Variants in FNIP1 observed in about 807,000 individuals in gnomAD.
FNIP1 encodes the protein folliculin-interacting protein 1.
FNIP1 carries 40 observed loss-of-function variants against 124.5 expected under a neutral mutation model. The observed-to-expected ratio is 0.32, with a 90% CI of 0.25 to 0.42. FNIP1 has a LOEUF of 0.42. Ranked by LOEUF, FNIP1 falls within the 10% of genes least tolerant of loss-of-function variation. The pLI is 1.00. For synonymous variants in FNIP1, 472 were observed against 470.6 expected (o/e 1.00, Z -0.04); for missense variants, 1,176 against 1,403.7 (o/e 0.84, Z 2.59).
At chr5:131,651,675 G>A (rs1013978989) in intron 16 of FNIP1, 127 bp downstream of exon 16, 2 of 806,290 alleles carry the variant, frequency 2.5e-6, no homozygotes, top group Non-Finnish European at 3.9e-6. Context: ...TGGGAATTAG[G>A]GCTTCAATAT....
At position 131,646,716 on chromosome 5, in the gene FNIP1, C is replaced by T. The variant is rs529852279; in HGVS notation, c.3422+374G>A. Among the ~76,000 whole-genome samples, 5 of 152,176 alleles carry T rather than the reference C, an allele frequency of 3.3e-5. No individual in the cohort carries two copies. The South Asian group carries it at 8.3e-4, about 25-fold the overall frequency. On this transcript the variant is annotated intron_variant, in intron 17 of 17. Coordinates refer to ENST00000510461, the MANE Select transcript of FNIP1 (RefSeq NM_133372.3). ...GGGGGAAGGAGTAATATATGGATAA[C>T]GTATTACCATCTACAGACTTCTGTT...
chr5:131,735,963 C>T (rs1462944294), intron 2 of FNIP1, among the ~76,000 whole-genome samples: 2 of 152,088 alleles, frequency 1.3e-5, no homozygotes, highest in Admixed American at 1.3e-4. Context: ...GATGAGGTCT[C>T]ATTATGTTGC....
At chr5:131,759,505 T>C (rs898977518) in intron 1 of FNIP1, among the ~76,000 whole-genome samples, 1 of 152,098 alleles carries the variant, frequency 6.6e-6, no homozygotes, top group African/African-American at 2.4e-5. Flanking sequence ...ATGCTCATCA[T>C]CACTAATCAT....
intron 11 of FNIP1, 77 bp downstream of exon 11, chr5:131,698,840 G>T: frequency 7.9e-7 from 1 of 1,267,976 alleles, no homozygotes; most frequent in South Asian, 1.5e-5. Flanking sequence ...AATTTTATTA[G>T]AACAAGTTAA....
chr5:131,733,626 T>G (rs1218352722), intron 2 of FNIP1, among the ~76,000 whole-genome samples: 1 of 152,226 alleles, frequency 6.6e-6, no homozygotes, highest in Non-Finnish European at 1.5e-5. Flanking sequence ...TATGCTGGAT[T>G]ACATTTATTG....
At position 131,671,527 on chromosome 5, in the gene FNIP1, C is replaced by T; in HGVS notation, c.2917G>A (p.Glu973Lys). 6.2e-7 allele frequency: 1 copy of T among 1,610,900 alleles called. No homozygotes were observed. Among genetic ancestry groups the T allele is most frequent in the African/African-American group, 1.3e-5 (1 of 75,058 alleles). The change falls in exon 14 of 18, where the codon GAG (glutamate) becomes AAG (lysine). Residue 973 changes from glutamate to lysine, a missense_variant. This residue lies in a region of FNIP1 where 1,109 missense variants were observed against 1,288.5 expected (regional missense o/e 0.86). Coordinates refer to ENST00000510461, the MANE Select transcript of FNIP1 (RefSeq NM_133372.3). ...TACCCAGGAAAAGGTATCTCATCCTCTTCTGCCCAATCTTCTTGCTCTCCT... is the reference window on the plus strand; with the variant it reads ...TACCCAGGAAAAGGTATCTCATCCTTTTCTGCCCAATCTTCTTGCTCTCCT... ...YGGEQEDWAE[E>K]DEIPFPGSKL...
rs116583031 is a variant in FNIP1 at position 131,690,483 on chromosome 5, A to C, written c.1202+8434T>G. ...TTCTTGTGATAGTGACTGAGTTCTC[A>C]TCAGATCTGATGGTTTTATAAGGAG... On this transcript the variant is annotated intron_variant, in intron 11 of 17. Transcript: ENST00000510461. 1.6e-3 allele frequency among the ~76,000 whole-genome samples: 239 copies of C among 152,212 alleles called. 1 individual carries two copies. The highest frequency in any genetic ancestry group is 5.6e-3 in the African/African-American group (231 of 41,532).
chr5:131,718,868 A>T, intron 5 of FNIP1, 118 bp downstream of exon 5: 1 of 752,802 alleles, frequency 1.3e-6, no homozygotes, highest in Non-Finnish European at 2.2e-6. Context: ...ATGAACTTTT[A>T]AACTTAAGGA....
intron 11 of FNIP1, among the ~76,000 whole-genome samples, chr5:131,697,317 G>T (rs530784076): frequency 2.2e-4 from 33 of 152,206 alleles, no homozygotes; most frequent in Middle Eastern, 3.4e-3. Flanking sequence ...TTGTGACGGG[G>T]TCTCACTATG....
chr5:131,665,411 AAAAG>A (rs1323824375), intron 15 of FNIP1, among the ~76,000 whole-genome samples: 1 of 151,900 alleles, frequency 6.6e-6, no homozygotes, highest in Non-Finnish European at 1.5e-5. Context: ...ATCAGGGAGA[AAAAG>A]AAAAGACACT....
At chr5:131,698,846 G>C (rs2149529899) in intron 11 of FNIP1, 71 bp downstream of exon 11, 2 of 1,325,196 alleles carry the variant, frequency 1.5e-6, no homozygotes, top group Non-Finnish European at 2.1e-6. Flanking sequence ...ATTAGAACAA[G>C]TTAAAGAAAA....
At chr5:131,786,329 T>C (rs775170420) in intron 1 of FNIP1, among the ~76,000 whole-genome samples, 2 of 152,190 alleles carry the variant, frequency 1.3e-5, no homozygotes, top group Non-Finnish European at 2.9e-5. Context: ...GAAGTATTAA[T>C]ATAGATATAT....
At position 131,716,579 on chromosome 5, in the gene FNIP1, A is replaced by G. The variant is rs1036588883; in HGVS notation, c.608T>C (p.Leu203Pro). Residue 203 changes from leucine to proline, a missense_variant, in exon 6 of 18, where the codon CTG becomes CCG. Physicochemically the swap from Leu to Pro is moderately conservative, Grantham distance 98. Transcript: ENST00000510461. ...GAACCATTTACCTATATTTCCAAGCAGTCCATTAATAACTGTGTTATTATC... is the reference window on the plus strand; with the variant it reads ...GAACCATTTACCTATATTTCCAAGCGGTCCATTAATAACTGTGTTATTATC... Reference protein sequence around the residue: ...KADNNTVINGLLGNIGLSQFC... With the variant: ...KADNNTVINGPLGNIGLSQFC... The G allele has an allele frequency of 6.3e-7, 1 of 1,597,284 alleles. No homozygotes were observed. Among genetic ancestry groups the G allele is most frequent in the Non-Finnish European group, 8.5e-7 (1 of 1,170,736 alleles).
intron 1 of FNIP1, among the ~76,000 whole-genome samples, chr5:131,753,108 A>G (rs1394450823): frequency 6.6e-6 from 1 of 152,012 alleles, no homozygotes; most frequent in Non-Finnish European, 1.5e-5. Context: ...AACAAAAAAA[A>G]TGGCCACAAG....
chr5:131,729,415 T>C (rs967560552), intron 3 of FNIP1, among the ~76,000 whole-genome samples: 2 of 152,238 alleles, frequency 1.3e-5, no homozygotes, highest in African/African-American at 4.8e-5. Context: ...ACAGTCTGGC[T>C]ACAGTGGCTT....
rs2149534097 is a variant in FNIP1, at chr5:131,706,457, G to A, written c.868C>T (p.Arg290Ter). The A allele has an allele frequency of 1.2e-6, 2 of 1,613,088 alleles. No homozygotes were observed. Among genetic ancestry groups the A allele is most frequent in the Non-Finnish European group, 8.5e-7 (1 of 1,179,486 alleles). ...TCCAAACTTGTTGTTTGGCTGCGTC[G>A]CCAACGTCGCTGGTAGCTGCTGGCA... is the stretch of plus-strand genomic sequence containing the variant. ...SCASSYQRRWRRSQTTSLENG... is the reference protein window; with the variant it reads ...SCASSYQRRW The change falls in exon 9 of 18, where the codon CGA becomes TGA. Residue 290 changes from arginine (R) to a stop codon, truncating the protein, a stop_gained. Transcript: ENST00000510461. LOFTEE classifies it high-confidence loss of function.
intron 14 of FNIP1, 53 bp from the exon 15 acceptor site, chr5:131,670,684 C>T: frequency 7.7e-7 from 1 of 1,301,352 alleles, no homozygotes; most frequent in Non-Finnish European, 1.0e-6. Flanking sequence ...ATATATTTAA[C>T]CAGTAAAAAA....
At chr5:131,781,020 C>A (rs1429469464) in intron 1 of FNIP1, among the ~76,000 whole-genome samples, 1 of 152,152 alleles carries the variant, frequency 6.6e-6, no homozygotes, top group Admixed American at 6.5e-5. Flanking sequence ...AGAAGTGCTA[C>A]CCCAGTGAAT....
rs1384133981 is a variant in FNIP1, at chr5:131,771,120, C to T, written c.92+25710G>A. Among the ~76,000 whole-genome samples, 4 of 152,176 alleles carry T rather than the reference C, an allele frequency of 2.6e-5. No individual in the cohort carries two copies. The South Asian group carries it at 8.3e-4, about 32-fold the overall frequency. On this transcript the variant is annotated intron_variant, in intron 1 of 17. Coordinates refer to ENST00000510461, the MANE Select transcript of FNIP1 (RefSeq NM_133372.3). ...CAACAGTCCCCAGAGTGTGATGTTC[C>T]CCTTCCTGTGACAAAGACATAAATT...
Sources: allele counts gnomAD v4.1 joint callset (sites outside exome capture counted in the v4.1 genomes callset), GRCh38; gene constraint gnomAD v4.1.1; regional missense constraint gnomAD v4.1.1; transcripts MANE v1.5; gene names NCBI Gene and HGNC (gene_info 2026-07-23, HGNC 2026-07-21).